Variants in KALRN observed in about 807,000 individuals in gnomAD.
KALRN encodes kalirin.
A neutral mutation model predicts 353.7 loss-of-function variants in KALRN; 70 were observed. The ratio of observed to expected loss-of-function variants is 0.20; its 90% CI spans 0.16 to 0.24. KALRN has a LOEUF of 0.24. KALRN is among the 10% of genes least tolerant of loss of function. The probability of loss-of-function intolerance (pLI) is 1.00; values close to 1 mark genes in which losing one functional copy is unlikely to be tolerated. For missense variants in KALRN, 2,791 were observed against 3,756.7 expected, an observed-to-expected ratio of 0.74 and a Z score of 6.72; for synonymous variants, 1,391 against 1,434.8, an observed-to-expected ratio of 0.97 and a Z score of 0.69.
At chr3:124,130,119 G>A (rs929749126) in intron 1 of KALRN, among the ~76,000 whole-genome samples, 1 of 152,168 alleles carries the variant, frequency 6.6e-6, no homozygotes, top group South Asian at 2.1e-4. Context: ...AAGCCCATGT[G>A]ACCAGAACTT....
chr3:124,704,220 T>C (rs2062486418), intron 57 of KALRN, among the ~76,000 whole-genome samples: 1 of 152,212 alleles, frequency 6.6e-6, no homozygotes, highest in African/African-American at 2.4e-5. Context: ...CCCCCAATAA[T>C]GGGCCGATTA....
chr3:124,515,194 A>G (rs1010972378), intron 33 of KALRN, among the ~76,000 whole-genome samples: 1 of 152,236 alleles, frequency 6.6e-6, no homozygotes, highest in East Asian at 1.9e-4. Flanking sequence ...ACGTCTCACT[A>G]TAGCTCAGCT....
intron 55 of KALRN, among the ~76,000 whole-genome samples, chr3:124,698,327 T>C (rs1475182723): frequency 2.0e-5 from 3 of 152,230 alleles, no homozygotes; most frequent in African/African-American, 7.2e-5. Context: ...TCCTTCAGAA[T>C]TGTGAACATA....
At chr3:124,311,048 C>A (rs1580803623) in intron 6 of KALRN, among the ~76,000 whole-genome samples, 1 of 136,472 alleles carries the variant, frequency 7.3e-6, no homozygotes, top group Non-Finnish European at 1.5e-5. Flanking sequence ...ATCAAAACCA[C>A]AATGAGATAC....
At chr3:124,402,582 GA>G (rs1481415180) in intron 13 of KALRN, among the ~76,000 whole-genome samples, 2 of 152,124 alleles carry the variant, frequency 1.3e-5, no homozygotes, top group African/African-American at 4.8e-5. Context: ...AGAAAGAAAT[GA>G]AAAATATTTT....
intron 3 of KALRN, among the ~76,000 whole-genome samples, chr3:124,246,570 G>A (rs919339668): frequency 6.6e-6 from 1 of 152,126 alleles, no homozygotes; most frequent in Non-Finnish European, 1.5e-5. Context: ...AACCTCTTTT[G>A]TGTTTATCAG....
intron 34 of KALRN, among the ~76,000 whole-genome samples, chr3:124,619,898 C>G (rs1377266696): frequency 6.6e-6 from 1 of 152,104 alleles, no homozygotes; most frequent in Non-Finnish European, 1.5e-5. Context: ...TCTACATTCT[C>G]ACCAGCATTT....
At position 124,549,534 on chromosome 3, in the gene KALRN, C is replaced by T. The variant is rs186454457; in HGVS notation, c.4936-13309C>T. On this transcript the variant is annotated intron_variant, in intron 33 of 59. Coordinates refer to ENST00000682506, the MANE Select transcript of KALRN (RefSeq NM_001388419.1). ...AACTAAGAAGCCACTCTAAAAATGA[C>T]TATTCAGTAAGCCAAATAGGGAATA... Among the ~76,000 whole-genome samples, 12 of 152,140 alleles carry T rather than the reference C, an allele frequency of 7.9e-5. No individual in the cohort carries two copies. In the Middle Eastern group the frequency reaches 0.01, roughly 129 times the overall value.
intron 5 of KALRN, among the ~76,000 whole-genome samples, chr3:124,293,898 A>G (rs2076621255): frequency 6.6e-6 from 1 of 152,234 alleles, no homozygotes; most frequent in Non-Finnish European, 1.5e-5. Flanking sequence ...TCTGGAGACT[A>G]GCAACCGAAT....
At chr3:124,562,757 G>A (rs2279784) in intron 33 of KALRN, 86 bp from the exon 34 acceptor site, 136,365 of 1,175,368 alleles carry the variant, frequency 0.12, 12,279 homozygotes, top group East Asian at 0.63. Flanking sequence ...CACATCCTTC[G>A]TCCCCTCTCA....
At chr3:124,550,462 A>G (rs1250352477) in intron 33 of KALRN, among the ~76,000 whole-genome samples, 2 of 152,130 alleles carry the variant, frequency 1.3e-5, no homozygotes, top group South Asian at 2.1e-4. Flanking sequence ...TGGGCCCCCA[A>G]TATGTGCCAC....
At position 124,268,763 on chromosome 3, in the gene KALRN, G is replaced by A. The variant is rs368167710; in HGVS notation, c.477G>A (p.Glu159=). The change falls in exon 5 of 60, where the codon GAG becomes GAA. Residue 159 remains glutamate, a synonymous_variant. Transcript: ENST00000682506. ...FIFETSMVSV[E]GLTKLVDPSQ... is the part of the protein sequence containing the mutation. ...TCCAGACGAGCATGGTATCTGTGGA[G>A]GGCCTCACAAAGCTGGTGGACCCCT... The A allele has an allele frequency of 1.2e-6, 2 of 1,614,130 alleles. No individual in the cohort carries two copies. The highest frequency in any genetic ancestry group is 2.2e-5 in the East Asian group (1 of 44,876).
chr3:124,612,865 T>C (rs1385421954), intron 34 of KALRN, among the ~76,000 whole-genome samples: 1 of 151,084 alleles, frequency 6.6e-6, no homozygotes, highest in Non-Finnish European at 1.5e-5. Context: ...AGTAGTATCT[T>C]CAAATATAAA....
chr3:124,520,501 GACTA>G (rs763902193), intron 33 of KALRN, among the ~76,000 whole-genome samples: 1 of 152,262 alleles, frequency 6.6e-6, no homozygotes, highest in Admixed American at 6.5e-5. Context: ...CTGGGCTGCA[GACTA>G]ACTAATGCCT....
chr3:124,188,047 C>A (rs1427422546), intron 1 of KALRN, among the ~76,000 whole-genome samples: 1 of 152,126 alleles, frequency 6.6e-6, no homozygotes, highest in Non-Finnish European at 1.5e-5. Context: ...AAACAAAAAA[C>A]CCACGTGTGG....
intron 1 of KALRN, among the ~76,000 whole-genome samples, chr3:124,098,268 C>T (rs549064825): frequency 7.2e-5 from 11 of 152,294 alleles, no homozygotes; most frequent in African/African-American, 2.4e-4. Context: ...CACTGCTTGG[C>T]ACAGTCCAGA....
At chr3:124,356,007 G>A (rs1034080244) in intron 10 of KALRN, among the ~76,000 whole-genome samples, 4 of 151,594 alleles carry the variant, frequency 2.6e-5, no homozygotes, top group Admixed American at 6.6e-5. Flanking sequence ...GAGCCACCGC[G>A]CCCAGCCTCT....
At chr3:124,252,951 C>A (rs919518346) in intron 3 of KALRN, among the ~76,000 whole-genome samples, 5 of 152,226 alleles carry the variant, frequency 3.3e-5, no homozygotes, top group African/African-American at 1.2e-4. Flanking sequence ...TAGAGAGCGG[C>A]TCATTCTCTG....
At chr3:124,455,515 G>A (rs1170159820) in intron 22 of KALRN, among the ~76,000 whole-genome samples, 156 bp downstream of exon 22, 2 of 152,306 alleles carry the variant, frequency 1.3e-5, no homozygotes, top group South Asian at 2.1e-4. Flanking sequence ...CTAGTGGGGA[G>A]TGCTGGGTGG....
Sources: gnomAD v4.1 joint callset for allele counts (sites outside exome capture counted in the v4.1 genomes callset) on GRCh38, gnomAD v4.1.1 for gene constraint, MANE v1.5 for transcripts, NCBI Gene and HGNC (gene_info 2026-07-23, HGNC 2026-07-21) for gene names.